The following TBX15 variants were observed in gnomAD, a reference collection of about 807,000 sequenced individuals.
TBX15 encodes the protein T-box transcription factor 15.
A neutral mutation model predicts 53.9 loss-of-function variants in TBX15; 18 were observed. The observed-to-expected ratio is 0.33, with a 90% confidence interval of 0.23 to 0.49. The LOEUF (loss-of-function observed/expected upper bound fraction) is 0.49. Ranked by LOEUF, TBX15 falls within the 20% of genes least tolerant of loss-of-function variation. TBX15 has a pLI of 0.98. For synonymous variants in TBX15, 295 were observed against 278.0 expected (o/e 1.06, Z -0.61); for missense variants, 692 against 749.5 (o/e 0.92, Z 0.90).
intron 1 of TBX15, among the ~76,000 whole-genome samples, chr1:118,933,883 C>T (rs568815990): frequency 6.6e-6 from 1 of 152,130 alleles, no homozygotes; most frequent in Admixed American, 6.5e-5. Flanking sequence ...GCCACAATTA[C>T]AAAAAATTGG....
intron 1 of TBX15, among the ~76,000 whole-genome samples, chr1:118,983,633 G>T (rs1192111653): frequency 1.3e-5 from 2 of 152,206 alleles, no homozygotes; most frequent in African/African-American, 2.4e-5. Context: ...CCTGACAAGC[G>T]AGTACCTTGC....
At chr1:118,927,502 A>G (rs1372680208) in intron 2 of TBX15, among the ~76,000 whole-genome samples, 1 of 152,236 alleles carries the variant, frequency 6.6e-6, no homozygotes, top group Non-Finnish European at 1.5e-5. Context: ...AGAGCCACCA[A>G]GATTTTTTAG....
chr1:118,909,121 C>A (rs1654942368), intron 6 of TBX15, among the ~76,000 whole-genome samples: 1 of 152,224 alleles, frequency 6.6e-6, no homozygotes, highest in Admixed American at 6.5e-5. Flanking sequence ...CACCACAGGA[C>A]TGAAATGTGG....
intron 1 of TBX15, among the ~76,000 whole-genome samples, chr1:118,954,962 T>C (rs11589179): frequency 0.29 from 43,769 of 151,976 alleles, 6,656 homozygotes; most frequent in Non-Finnish European, 0.32. Flanking sequence ...TTACAATATG[T>C]CAAGCTTCAG....
chr1:118,962,547 C>T (rs1476663972), intron 1 of TBX15, among the ~76,000 whole-genome samples: 1 of 152,162 alleles, frequency 6.6e-6, no homozygotes, highest in Non-Finnish European at 1.5e-5. Context: ...ACTGATAAGG[C>T]TTCATGAACT....
At chr1:118,945,262 CT>C (rs2101644600) in intron 1 of TBX15, among the ~76,000 whole-genome samples, 1 of 152,258 alleles carries the variant, frequency 6.6e-6, no homozygotes, top group Non-Finnish European at 1.5e-5. Flanking sequence ...TTCATTTCAT[CT>C]TTTTGGCAGC....
rs570131296 is a variant in TBX15 at position 118,931,978 on chromosome 1, C to T, written c.206-146G>A. 65 of 692,158 alleles carry T rather than the reference C, an allele frequency of 9.4e-5. No individual in the cohort carries two copies. The South Asian group carries it at 1.4e-3, about 14-fold the overall frequency. The allele number at this position is 692,158 out of a possible 1,614,324, so 42.9% of individuals were successfully genotyped here. Reference sequence around the variant, plus strand: ...AAAGCTGGGAAGCTCCAGAGCACAGCACTCAGGGTATTTTATTATTTTTTA... The same window carrying T: ...AAAGCTGGGAAGCTCCAGAGCACAGTACTCAGGGTATTTTATTATTTTTTA... On this transcript the variant is annotated intron_variant, in intron 1 of 7. Transcript: ENST00000369429.
At position 118,933,068 on chromosome 1, in the gene TBX15, T is replaced by C. The variant is rs531244069; in HGVS notation, c.206-1236A>G. ...TTGACACTAGTAAGATGGAAAAGAATGGGACAGAATGCCCAATCACGTTGC... is the reference window on the plus strand; with the variant it reads ...TTGACACTAGTAAGATGGAAAAGAACGGGACAGAATGCCCAATCACGTTGC... On this transcript the variant is annotated intron_variant, in intron 1 of 7. Transcript: ENST00000369429. Among the ~76,000 whole-genome samples the C allele has an allele frequency of 1.8e-4, 28 of 152,308 alleles. No homozygotes were observed. In the South Asian group the frequency reaches 4.4e-3, roughly 24 times the overall value.
intron 6 of TBX15, among the ~76,000 whole-genome samples, chr1:118,899,385 G>A (rs1007549674): frequency 8.5e-5 from 13 of 152,134 alleles, no homozygotes; most frequent in African/African-American, 3.1e-4. Flanking sequence ...TCCTTTAAAT[G>A]AGGCTAGGTC....
chr1:118,942,753 A>G (rs955268912), intron 1 of TBX15, among the ~76,000 whole-genome samples: 2 of 152,218 alleles, frequency 1.3e-5, no homozygotes, highest in Non-Finnish European at 2.9e-5. Flanking sequence ...GAAAATACTC[A>G]GATACTAACT....
chr1:118,907,052 G>A (rs761203397), intron 6 of TBX15, among the ~76,000 whole-genome samples: 7 of 152,152 alleles, frequency 4.6e-5, no homozygotes, highest in Admixed American at 6.5e-5. Flanking sequence ...TGGTGGATTC[G>A]AAAGAGAAAA....
At chr1:118,915,264 A>T (rs1418781015) in intron 5 of TBX15, among the ~76,000 whole-genome samples, 1 of 152,240 alleles carries the variant, frequency 6.6e-6, no homozygotes, top group Admixed American at 6.5e-5. Flanking sequence ...GACCATCTTC[A>T]TATTTTTGAT....
chr1:118,901,545 A>C (rs913786119), intron 6 of TBX15: 1 of 394,714 alleles, frequency 2.5e-6, no homozygotes, highest in Admixed American at 3.0e-5. Flanking sequence ...TTATTTAAGC[A>C]GTTAACTCTA....
intron 1 of TBX15, among the ~76,000 whole-genome samples, chr1:118,986,807 C>T (rs1657856425): frequency 6.6e-6 from 1 of 152,186 alleles, no homozygotes; most frequent in South Asian, 2.1e-4. Flanking sequence ...ACAGCTGTTC[C>T]CCCGGGCTGT....
intron 5 of TBX15, among the ~76,000 whole-genome samples, chr1:118,916,531 T>C (rs1169280442): frequency 2.6e-5 from 4 of 152,096 alleles, no homozygotes; most frequent in Non-Finnish European, 4.4e-5. Flanking sequence ...AAAACCACAA[T>C]GAGATACCAT....
At chr1:118,981,303 T>TACACAC (rs35594301) in intron 1 of TBX15, among the ~76,000 whole-genome samples, 14,940 of 146,696 alleles carry the variant, frequency 0.1, 832 homozygotes, top group Non-Finnish European at 0.12. Flanking sequence ...TTAAACTAGC[T>TACACAC]ACACACACAC....
At chr1:118,893,335 AGGAAG>A (rs1433896573) in intron 7 of TBX15, among the ~76,000 whole-genome samples, 22 of 65,184 alleles carry the variant, frequency 3.4e-4, no homozygotes, top group African/African-American at 2.0e-3. Flanking sequence ...AGAAGAAAGA[AGGAAG>A]GAAGGAAGGA....
At chr1:118,899,183 T>G (rs1654531908) in intron 6 of TBX15, 58 bp from the exon 7 acceptor site, 1 of 1,476,750 alleles carries the variant, frequency 6.8e-7, no homozygotes, top group Non-Finnish European at 9.4e-7. Context: ...ATGCATTGAC[T>G]TTTCAGAGAT....
chr1:118,949,305 T>C (rs1656442192), intron 1 of TBX15, among the ~76,000 whole-genome samples: 1 of 152,238 alleles, frequency 6.6e-6, no homozygotes, highest in Non-Finnish European at 1.5e-5. Flanking sequence ...TCATATTTTA[T>C]GTTATTCTTT....
Sources: gnomAD v4.1 joint callset for allele counts (sites outside exome capture counted in the v4.1 genomes callset) on GRCh38, gnomAD v4.1.1 for gene constraint, MANE v1.5 for transcripts, NCBI Gene and HGNC (gene_info 2026-07-23, HGNC 2026-07-21) for gene names.